Variants in UNC5D observed in about 807,000 individuals in gnomAD.
UNC5D encodes unc-5 netrin receptor D, also known as netrin receptor UNC5D.
Under a neutral mutation model 105.4 loss-of-function variants are expected in UNC5D, and 39 were observed. The ratio of observed to expected loss-of-function variants is 0.37; its 90% CI spans 0.29 to 0.48. UNC5D has a LOEUF of 0.48. UNC5D is among the 20% of genes least tolerant of loss of function. UNC5D has a pLI of 0.98. For synonymous variants in UNC5D, 452 were observed against 450.4 expected (o/e 1.00, Z -0.04); for missense variants, 991 against 1,202.4 (o/e 0.82, Z 2.60).
chr8:35,447,303 T>A (rs1807862185), intron 1 of UNC5D, among the ~76,000 whole-genome samples: 1 of 152,094 alleles, frequency 6.6e-6, no homozygotes, highest in African/African-American at 2.4e-5. Flanking sequence ...ACTTTATTTA[T>A]AAGGCATATA....
chr8:35,588,326 A>C (rs1278771504), intron 3 of UNC5D, among the ~76,000 whole-genome samples: 2 of 152,062 alleles, frequency 1.3e-5, no homozygotes, highest in Non-Finnish European at 1.5e-5. Context: ...AAAGTGAGAG[A>C]GCATATGTAT....
chr8:35,412,447 T>A (rs1805237079), intron 1 of UNC5D, among the ~76,000 whole-genome samples: 1 of 151,774 alleles, frequency 6.6e-6, no homozygotes. Context: ...CCTGGGCCCC[T>A]TGCTTTTTGT....
intron 1 of UNC5D, among the ~76,000 whole-genome samples, chr8:35,238,728 G>T (rs1266766152): frequency 2.0e-5 from 3 of 152,108 alleles, no homozygotes. Flanking sequence ...ACAATTTCTT[G>T]CTTTAAAACA....
chr8:35,552,241 C>T (rs1039234720), intron 2 of UNC5D, among the ~76,000 whole-genome samples: 5 of 152,136 alleles, frequency 3.3e-5, no homozygotes, highest in African/African-American at 4.8e-5. Flanking sequence ...CTATTTTATA[C>T]ATTAAAATGT....
At chr8:35,329,979 A>T (rs890827403) in intron 1 of UNC5D, among the ~76,000 whole-genome samples, 1 of 152,186 alleles carries the variant, frequency 6.6e-6, no homozygotes, top group Non-Finnish European at 1.5e-5. Context: ...GCAGTGCCTT[A>T]TTTAATCCTC....
At chr8:35,347,974 T>C (rs1811924338) in intron 1 of UNC5D, among the ~76,000 whole-genome samples, 1 of 152,014 alleles carries the variant, frequency 6.6e-6, no homozygotes, top group Non-Finnish European at 1.5e-5. Flanking sequence ...TCAGTTTTAT[T>C]TCATATTTCT....
intron 2 of UNC5D, among the ~76,000 whole-genome samples, chr8:35,554,444 C>T (rs1212335774): frequency 6.6e-6 from 1 of 152,202 alleles, no homozygotes; most frequent in South Asian, 2.1e-4. Flanking sequence ...AATATGGGAA[C>T]TCGTCTTCCT....
At chr8:35,684,097 T>C (rs1356310738) in intron 5 of UNC5D, among the ~76,000 whole-genome samples, 1 of 152,208 alleles carries the variant, frequency 6.6e-6, no homozygotes, top group Non-Finnish European at 1.5e-5. Flanking sequence ...AGACCTGCTG[T>C]CAGGTAGTCT....
intron 3 of UNC5D, among the ~76,000 whole-genome samples, chr8:35,580,279 C>A (rs1471052759): frequency 6.6e-6 from 1 of 151,962 alleles, no homozygotes; most frequent in African/African-American, 2.4e-5. Flanking sequence ...AGAGCAGAAT[C>A]AAAAATACAG....
At chr8:35,484,243 T>G (rs1016806515) in intron 1 of UNC5D, among the ~76,000 whole-genome samples, 2 of 152,086 alleles carry the variant, frequency 1.3e-5, no homozygotes, top group African/African-American at 4.8e-5. Flanking sequence ...ACATAACCTC[T>G]CTATTGTATT....
chr8:35,367,253 T>C (rs1802170517), intron 1 of UNC5D, among the ~76,000 whole-genome samples: 1 of 152,214 alleles, frequency 6.6e-6, no homozygotes, highest in Non-Finnish European at 1.5e-5. Context: ...TGCCTGTTTA[T>C]TGAAAGAGTG....
intron 1 of UNC5D, among the ~76,000 whole-genome samples, chr8:35,280,217 A>G (rs1806055540): frequency 6.6e-6 from 1 of 152,022 alleles, no homozygotes; most frequent in African/African-American, 2.4e-5. Context: ...GCTGGTCTTG[A>G]ACTCCTGAAC....
intron 4 of UNC5D, among the ~76,000 whole-genome samples, chr8:35,682,282 G>C (rs1026617354): frequency 1.9e-4 from 29 of 152,280 alleles, no homozygotes; most frequent in Admixed American, 1.2e-3. Context: ...CGTTTTATTG[G>C]TGATAAATTA....
At chr8:35,247,523 T>C (rs1480992314) in intron 1 of UNC5D, among the ~76,000 whole-genome samples, 1 of 124,414 alleles carries the variant, frequency 8.0e-6, no homozygotes, top group African/African-American at 3.1e-5. Context: ...TCTCTCTCTC[T>C]ATATATATAT....
intron 1 of UNC5D, among the ~76,000 whole-genome samples, chr8:35,388,906 A>C (rs1803599893): frequency 6.6e-6 from 1 of 152,188 alleles, no homozygotes; most frequent in East Asian, 1.9e-4. Flanking sequence ...TAGGGATGAA[A>C]AAATAGAGCT....
chr8:35,607,189 C>T (rs904840384), intron 4 of UNC5D, among the ~76,000 whole-genome samples: 1 of 152,184 alleles, frequency 6.6e-6, no homozygotes, highest in Non-Finnish European at 1.5e-5. Flanking sequence ...TTTGGGAGAG[C>T]TGTGGAACGA....
At position 35,591,889 on chromosome 8, in the gene UNC5D, G is replaced by A. The variant is rs527379492; in HGVS notation, c.467-3665G>A. Among the ~76,000 whole-genome samples the A allele has an allele frequency of 2.6e-5, 4 of 152,298 alleles. No individual in the cohort carries two copies. In the South Asian group the frequency reaches 8.3e-4, roughly 32 times the overall value. On this transcript the variant is annotated intron_variant, in intron 3 of 16. Coordinates refer to ENST00000404895, the MANE Select transcript of UNC5D (RefSeq NM_080872.4). ...CTCTGTTACCAACACAGCAATCTTC[G>A]ATGTCTATACCAACTGGTCTATCTA...
At chr8:35,243,638 A>C (rs1479425816) in intron 1 of UNC5D, among the ~76,000 whole-genome samples, 1 of 152,200 alleles carries the variant, frequency 6.6e-6, no homozygotes, top group Admixed American at 6.5e-5. Context: ...ATAGTTAAGC[A>C]AGAGATAGAA....
At chr8:35,296,124 TG>T (rs1333967762) in intron 1 of UNC5D, among the ~76,000 whole-genome samples, 2 of 152,238 alleles carry the variant, frequency 1.3e-5, no homozygotes, top group Non-Finnish European at 2.9e-5. Flanking sequence ...ACAGCGATCA[TG>T]GAAGTACAGA....
Sources: allele counts gnomAD v4.1 joint callset (sites outside exome capture counted in the v4.1 genomes callset), GRCh38; gene constraint gnomAD v4.1.1; transcripts MANE v1.5; gene names NCBI Gene and HGNC (gene_info 2026-07-23, HGNC 2026-07-21).